The following CSTF2 variants were observed in gnomAD, a reference collection of about 807,000 sequenced individuals.
The protein encoded by CSTF2 is cleavage stimulation factor subunit 2.
A neutral mutation model predicts 45.4 loss-of-function variants in CSTF2; 8 were observed. The observed-to-expected ratio is 0.18, with a 90% CI of 0.10 to 0.32. CSTF2 has a LOEUF of 0.32. Among genes scored for constraint, CSTF2 ranks in the 10% least tolerant of loss-of-function variants. CSTF2 has a pLI of 1.00. For synonymous variants in CSTF2, 155 were observed against 158.9 expected, an observed-to-expected ratio of 0.98 and a Z score of 0.18; for missense variants, 253 against 477.1, an observed-to-expected ratio of 0.53 and a Z score of 4.38.
rs1159559196 is a variant in CSTF2 at position 100,832,784 on chromosome X, G to A, written c.1082G>A (p.Gly361Asp). Reference protein sequence around the residue: ...HQGPPMHHVPGHESRGPPPHE... With the variant: ...HQGPPMHHVPDHESRGPPPHE... ...GGTCCACCCATGCACCATGTCCCTG[G>A]CCATGAGAGCCGAGGACCACCCCCA... The change falls in exon 10 of 14, where the codon GGC becomes GAC. Residue 361 changes from glycine to aspartate, a missense_variant. Physicochemically the swap from Gly to Asp is moderately conservative, Grantham distance 94. This residue lies in a region of CSTF2 where 200 missense variants were observed against 294.0 expected (regional missense o/e 0.68). Transcript: ENST00000372972. 1 of 1,209,364 alleles carries A rather than the reference G, an allele frequency of 8.3e-7. No homozygotes were observed. The highest frequency in any genetic ancestry group is 1.1e-6 in the Non-Finnish European group (1 of 894,952).
chrX:100,830,211 C>G (rs180802755), intron 8 of CSTF2, among the ~76,000 whole-genome samples: 11 of 112,235 alleles, frequency 9.8e-5, no homozygotes, highest in Non-Finnish European at 1.5e-4. Flanking sequence ...CAAAGACTTG[C>G]TGTGGCAGAG....
At chrX:100,830,901 G>A (rs1322227321) in intron 8 of CSTF2, 2 of 1,086,877 alleles carry the variant, frequency 1.8e-6, no homozygotes, top group Non-Finnish European at 1.2e-6. Flanking sequence ...CCTTTTGCTT[G>A]TGGTGTTCAG....
chrX:100,823,870 C>T lies in CSTF2; in HGVS notation c.445-16C>T, dbSNP rs182833943. 8.3e-7 allele frequency: 1 copy of T among 1,205,765 alleles called. No individual in the cohort carries two copies. The highest frequency in any genetic ancestry group is 1.7e-5 in the African/African-American group (1 of 57,244). On this transcript the variant is annotated splice_polypyrimidine_tract_variant and intron_variant, in intron 4 of 13. Transcript: ENST00000372972. ...TAAGTCATAAGTATTAAACCTGAAT[C>T]TGCTTATCTTCTCAGCTCTGTGTCC...
intron 1 of CSTF2, 76 bp from the exon 2 acceptor site, chrX:100,821,451 T>G: frequency 4.3e-6 from 3 of 702,422 alleles, no homozygotes; most frequent in Non-Finnish European, 4.5e-6. Flanking sequence ...TTATATTTGA[T>G]GATATAAGTT....
At chrX:100,829,511 C>T (rs752993210) in intron 8 of CSTF2, among the ~76,000 whole-genome samples, 25 of 109,830 alleles carry the variant, frequency 2.3e-4, no homozygotes, top group African/African-American at 5.3e-4. Context: ...TATATATATA[C>T]ACACACACAC....
Position 100,823,392 on chromosome X carries a change from A to G in CSTF2, c.408A>G (p.Pro136=), listed in dbSNP as rs747136122. ...TTAGCAAAGCAGTTGCCAGCCTTCC[A>G]CCAGAGCAGATGTTTGAGCTGATGA... ...ESISKAVASL[P]PEQMFELMKQ... is the part of the protein sequence containing the mutation. The change falls in exon 4 of 14, where the codon CCA becomes CCG. Residue 136 remains proline (P), a synonymous_variant. Transcript: ENST00000372972. The G allele has an allele frequency of 1.7e-6, 2 of 1,211,911 alleles. No individual in the cohort carries two copies. The highest frequency in any genetic ancestry group is 2.2e-5 in the Admixed American group (1 of 46,093).
intron 4 of CSTF2, 104 bp downstream of exon 4, chrX:100,823,532 C>T (rs2084929524): frequency 3.4e-6 from 3 of 894,617 alleles, no homozygotes; most frequent in South Asian, 2.4e-5. Flanking sequence ...CTGTAGACCA[C>T]CATTTCTTGC....
intron 13 of CSTF2, among the ~76,000 whole-genome samples, chrX:100,839,808 A>G (rs1177848381): frequency 1.8e-5 from 2 of 112,021 alleles, no homozygotes; most frequent in African/African-American, 6.5e-5. Flanking sequence ...CATTCCCTAC[A>G]ATGTGAGAAA....
At chrX:100,829,172 G>C (rs188977638) in intron 8 of CSTF2, among the ~76,000 whole-genome samples, 202 of 111,971 alleles carry the variant, frequency 1.8e-3, no homozygotes, top group African/African-American at 6.1e-3. Context: ...GTAGCATATG[G>C]TTTATAAGTG....
Position 100,828,078 on chromosome X carries a change from C to T in CSTF2, c.865C>T (p.Pro289Ser). Residue 289 changes from proline (P) to serine (S), a missense_variant, in exon 8 of 14, where the codon CCA (proline) becomes TCA (serine). By Grantham distance (74) the Pro-to-Ser change is moderately conservative. Transcript: ENST00000372972. ...QAQVGMPGSGPVSMERGQVPM... is the reference protein window; with the variant it reads ...QAQVGMPGSGSVSMERGQVPM... ...TCAGGTTGGAATGCCAGGAAGTGGA[C>T]CAGTGTCCATGGAACGGGGGCAAGG... 8.3e-7 allele frequency: 1 copy of T among 1,205,273 alleles called. No homozygotes were observed. The highest frequency in any genetic ancestry group is 1.1e-6 in the Non-Finnish European group (1 of 891,816).
intron 7 of CSTF2, 56 bp downstream of exon 7, chrX:100,826,813 A>C: frequency 8.8e-7 from 1 of 1,133,903 alleles, no homozygotes; most frequent in Non-Finnish European, 1.2e-6. Flanking sequence ...TGTCATAGCC[A>C]CTGTTGCAGT....
intron 9 of CSTF2, 132 bp from the exon 10 acceptor site, chrX:100,832,602 A>G (rs1046793549): frequency 1.2e-5 from 6 of 508,254 alleles, no homozygotes; most frequent in African/African-American, 4.8e-5. Flanking sequence ...TCTTCCATCT[A>G]TTTGGTGTTA....
chrX:100,822,559 C>T (rs1286786996), intron 3 of CSTF2, 139 bp downstream of exon 3: 1 of 558,960 alleles, frequency 1.8e-6, no homozygotes, highest in African/African-American at 2.3e-5. Context: ...CCTGATGTGC[C>T]TGAGTTAGGC....
chrX:100,821,641 TA>T, intron 2 of CSTF2, 36 bp downstream of exon 2: 2 of 1,028,365 alleles, frequency 1.9e-6, no homozygotes, highest in South Asian at 3.9e-5. Context: ...GGGAGCTTCT[TA>T]AAAATCACCA....
At position 100,823,974 on chromosome X, in the gene CSTF2, T is replaced by C; in HGVS notation, c.533T>C (p.Val178Ala). 6 of 1,211,877 alleles carry C rather than the reference T, an allele frequency of 5.0e-6. No homozygotes were observed. The highest frequency in any genetic ancestry group is 6.7e-6 in the Non-Finnish European group (6 of 895,471). The change falls in exon 5 of 14, where the codon GTG (valine) becomes GCG (alanine). Residue 178 changes from valine to alanine, a missense_variant. Coordinates refer to ENST00000372972, the MANE Select transcript of CSTF2 (RefSeq NM_001325.3). ...LAYALLQAQV[V>A]MRIVDPEIAL... The stretch of plus-strand genomic sequence containing the variant: ...TATGCTTTGCTGCAAGCACAGGTAG[T>C]GATGAGAATTGTGGATCCGGAAATT...
intron 11 of CSTF2, 129 bp downstream of exon 11, chrX:100,833,601 A>C: frequency 1.6e-6 from 1 of 632,390 alleles, no homozygotes; most frequent in South Asian, 3.1e-5. Context: ...GAAGACTTGG[A>C]TCTCCCTGTA....
chrX:100,826,726 A>T lies in CSTF2; in HGVS notation c.795A>T (p.Thr265=). The part of the protein sequence containing the change: ...PAPGQMPAAV[T]GPGPGSLAPG... ...CAGGGCAAATGCCAGCTGCTGTCAC[A>T]GGACCTGGCCCTGGTTCCTTAGCTC... The change falls in exon 7 of 14, where the codon ACA becomes ACT. Residue 265 remains threonine, a synonymous_variant. Coordinates refer to ENST00000372972, the MANE Select transcript of CSTF2 (RefSeq NM_001325.3). 1 of 1,210,645 alleles carries T rather than the reference A, an allele frequency of 8.3e-7. No individual in the cohort carries two copies. The highest frequency in any genetic ancestry group is 1.1e-6 in the Non-Finnish European group (1 of 894,836).
At chrX:100,821,482 A>G (rs377377992) in intron 1 of CSTF2, 45 bp from the exon 2 acceptor site, 54 of 918,941 alleles carry the variant, frequency 5.9e-5, no homozygotes, top group South Asian at 5.6e-4. Context: ...CTAAAGATCT[A>G]TGTTATAAAC....
At chrX:100,838,056 AT>A in intron 12 of CSTF2, among the ~76,000 whole-genome samples, 182 bp from the exon 13 acceptor site, 1 of 106,035 alleles carries the variant, frequency 9.4e-6, no homozygotes. Flanking sequence ...TTTATTTTTT[AT>A]TTTTTTTGGA....
Sources: gnomAD v4.1 joint callset for allele counts (sites outside exome capture counted in the v4.1 genomes callset) on GRCh38, gnomAD v4.1.1 for gene constraint, gnomAD v4.1.1 regional missense constraint, MANE v1.5 for transcripts, NCBI Gene and HGNC (gene_info 2026-07-23, HGNC 2026-07-21) for gene names.